Variants in ZFP69B observed in about 807,000 individuals in gnomAD.
ZFP69B encodes ZFP69 zinc finger protein B.
A neutral mutation model predicts 19.7 loss-of-function variants in ZFP69B; 20 were observed. The observed-to-expected ratio is 1.02, with a 90% CI of 0.71 to 1.48. The LOEUF (loss-of-function observed/expected upper bound fraction) is 1.48, where lower values mean the gene tolerates loss of function less well. Among genes scored for constraint, ZFP69B ranks in the 40% most tolerant of loss-of-function variants. The pLI is 0.00. For synonymous variants in ZFP69B, 220 were observed against 222.7 expected (o/e 0.99, Z 0.11); for missense variants, 583 against 632.6 (o/e 0.92, Z 0.84).
chr1:40,461,049 G>A (rs1557513874), intron 4 of ZFP69B, among the ~76,000 whole-genome samples: 1 of 150,400 alleles, frequency 6.6e-6, no homozygotes, highest in African/African-American at 2.4e-5. Flanking sequence ...AGGAGGCTGA[G>A]GCAGGAGAAT....
chr1:40,451,997 T>C (rs1645191380), intron 1 of ZFP69B, among the ~76,000 whole-genome samples: 1 of 152,136 alleles, frequency 6.6e-6, no homozygotes. Context: ...TGGTGGCACA[T>C]GCCTGTAATC....
Position 40,457,344 on chromosome 1 carries a change from G to T in ZFP69B, c.341G>T (p.Gly114Val). The T allele has an allele frequency of 6.2e-7, 1 of 1,613,928 alleles. No homozygotes were observed. Among genetic ancestry groups the T allele is most frequent in the Non-Finnish European group, 8.5e-7 (1 of 1,179,836 alleles). The change falls in exon 4 of 5, where the codon GGA becomes GTA. Residue 114 changes from glycine (G) to valine (V), a missense_variant and splice_region_variant. Transcript: ENST00000361584. ...ACAGTCTTTTCTTCCCCATAAGCAG[G>T]ATGTCAGCTTTCCAAACCTGGCGTG... is the stretch of plus-strand genomic sequence containing the variant. ...LENYGNLVSV[G>V]CQLSKPGVIS...
chr1:40,463,039 AACATGTTAGAATTCAT>A lies in ZFP69B; in HGVS notation c.1058_1073del (p.His353ProfsTer21), dbSNP rs776607691. On this transcript the variant is annotated frameshift_variant, in exon 5 of 5. Coordinates refer to ENST00000361584, the MANE Select transcript of ZFP69B (RefSeq NM_023070.3). LOFTEE classifies it low-confidence loss of function (END_TRUNC). Reference sequence around the variant, plus strand: ...TTCAGACATCCTTCATCGCTTACTCAACATGTTAGAATTCATACCGGGGAAAAGCCCTATGAATGTA... The same window carrying A: ...TTCAGACATCCTTCATCGCTTACTCAACCGGGGAAAAGCCCTATGAATGTA... 6.9e-5 allele frequency: 111 copies of A among 1,614,064 alleles called. No homozygotes were observed. Among genetic ancestry groups the A allele is most frequent in the Non-Finnish European group, 9.2e-5 (108 of 1,180,048 alleles).
intron 2 of ZFP69B, among the ~76,000 whole-genome samples, chr1:40,456,363 A>T (rs1569975802): frequency 6.6e-6 from 1 of 152,294 alleles, no homozygotes; most frequent in African/African-American, 2.4e-5. Context: ...GAGTATTTTT[A>T]AAAAATAATT....
At position 40,463,014 on chromosome 1, in the gene ZFP69B, T is replaced by A; in HGVS notation, c.1030T>A (p.Phe344Ile). 6.2e-7 allele frequency: 1 copy of A among 1,614,150 alleles called. No individual in the cohort carries two copies. Among genetic ancestry groups the A allele is most frequent in the Non-Finnish European group, 8.5e-7 (1 of 1,180,022 alleles). Residue 344 changes from phenylalanine (F) to isoleucine (I), a missense_variant, in exon 5 of 5, where the codon TTC (phenylalanine) becomes ATC (isoleucine). Coordinates refer to ENST00000361584, the MANE Select transcript of ZFP69B (RefSeq NM_023070.3). ...PYECKECGKT[F>I]RHPSSLTQHV... ...TGAATGTAAGGAGTGTGGGAAAACC[T>A]TCAGACATCCTTCATCGCTTACTCA...
intron 1 of ZFP69B, among the ~76,000 whole-genome samples, chr1:40,451,912 G>T (rs1645190651): frequency 2.0e-5 from 3 of 152,036 alleles, no homozygotes; most frequent in Non-Finnish European, 4.4e-5. Flanking sequence ...GGAGTTTGAG[G>T]TCAGCAGTTT....
chr1:40,451,358 T>G (rs962125069), intron 1 of ZFP69B, among the ~76,000 whole-genome samples: 1 of 152,150 alleles, frequency 6.6e-6, no homozygotes, highest in Admixed American at 6.5e-5. Flanking sequence ...CTGATTTTTC[T>G]TATTCTAACA....
rs1190784219 is a variant in ZFP69B, at chr1:40,450,727, A to G, written c.-235A>G. 6.3e-5 allele frequency: 20 copies of G among 315,258 alleles called. No individual in the cohort carries two copies. The highest frequency in any genetic ancestry group is 8.8e-4 in the Middle Eastern group (1 of 1,134). The allele number at this position is 315,258 out of a possible 1,614,324, so 19.5% of individuals were successfully genotyped here. A position where few individuals can be genotyped will look rare whatever the true frequency, so the allele number is the denominator to read the frequency against. On this transcript the variant is annotated 5_prime_UTR_variant, in exon 1 of 5. Coordinates refer to ENST00000361584, the MANE Select transcript of ZFP69B (RefSeq NM_023070.3). ...TGGCCAAGGAGACAGATGGAGCTCA[A>G]GTTGGGAGATACGCCCTGAGAGCCG...
Position 40,456,945 on chromosome 1 carries a change from G to A in ZFP69B, c.214G>A (p.Glu72Lys). 6.2e-7 allele frequency: 1 copy of A among 1,613,088 alleles called. No individual in the cohort carries two copies. The highest frequency in any genetic ancestry group is 8.5e-7 in the Non-Finnish European group (1 of 1,179,480). The change falls in exon 3 of 5, where the codon GAA becomes AAA. Residue 72 changes from glutamate to lysine, a missense_variant and splice_region_variant. By Grantham distance (56) the Glu-to-Lys change is moderately conservative (BLOSUM62 1). Coordinates refer to ENST00000361584, the MANE Select transcript of ZFP69B (RefSeq NM_023070.3). Reference protein sequence around the residue: ...TLGSLTAESQELLTFKDVSVD... With the variant: ...TLGSLTAESQKLLTFKDVSVD... ...AAAAGGAACGTATTTGATGTTCTAG[G>A]AACTGTTAACCTTCAAGGACGTATC...
At chr1:40,451,664 G>GA (rs1553125231) in intron 1 of ZFP69B, among the ~76,000 whole-genome samples, 1 of 138,364 alleles carries the variant, frequency 7.2e-6, no homozygotes, top group East Asian at 2.5e-4. Flanking sequence ...GGGGGGGGGG[G>GA]AATTCATTTG....
intron 2 of ZFP69B, among the ~76,000 whole-genome samples, chr1:40,454,677 A>G (rs974055373): frequency 2.0e-5 from 3 of 152,252 alleles, no homozygotes; most frequent in South Asian, 4.1e-4. Flanking sequence ...GATTACAGGC[A>G]TGAGCCACCA....
Position 40,463,068 on chromosome 1 carries a change from C to T in ZFP69B, c.1084C>T (p.Pro362Ser). ...QHVRIHTGEK[P>S]YECRVCEKAF... is the part of the protein sequence containing the mutation. ...TGTTAGAATTCATACCGGGGAAAAG[C>T]CCTATGAATGTAGGGTATGTGAGAA... The change falls in exon 5 of 5, where the codon CCC becomes TCC. Residue 362 changes from proline (P) to serine (S), a missense_variant. Physicochemically the swap from Pro to Ser is moderately conservative, Grantham distance 74 (BLOSUM62 -1). Transcript: ENST00000361584. The T allele has an allele frequency of 6.2e-7, 1 of 1,614,148 alleles. No homozygotes were observed. Among genetic ancestry groups the T allele is most frequent in the Non-Finnish European group, 8.5e-7 (1 of 1,180,026 alleles).
upstream of ZFP69B, chr1:40,450,308 G>C (rs1645172348): frequency 1.3e-5 from 2 of 152,268 alleles, no homozygotes; most frequent in Admixed American, 1.3e-4. Flanking sequence ...TGGGAGGCTA[G>C]GGCCGGGGGC....
At position 40,451,020 on chromosome 1, in the gene ZFP69B, G is replaced by A. The variant is rs753984184; in HGVS notation, c.59G>A (p.Arg20His). 105 of 1,550,668 alleles carry A rather than the reference G, an allele frequency of 6.8e-5. No individual in the cohort carries two copies. The highest frequency in any genetic ancestry group is 1.5e-4 in the African/African-American group (11 of 72,982). The change falls in exon 1 of 5, where the codon CGT becomes CAT. Residue 20 changes from arginine to histidine, a missense_variant. Transcript: ENST00000361584. Reference sequence around the variant, plus strand: ...GAGGCCAGCACCTGGGTGAAGTTGCGTCATCCAAAGGCGGCCACGGAGCGG... The same window carrying A: ...GAGGCCAGCACCTGGGTGAAGTTGCATCATCCAAAGGCGGCCACGGAGCGG... The part of the protein sequence containing the change: ...PTEASTWVKL[R>H]HPKAATERVA...
chr1:40,460,306 T>C (rs923042580), intron 4 of ZFP69B, among the ~76,000 whole-genome samples: 9 of 152,192 alleles, frequency 5.9e-5, no homozygotes, highest in African/African-American at 2.2e-4. Flanking sequence ...CAAATTATGT[T>C]ATGTCCATGC....
In ZFP69B at chr1:40,456,933, T is replaced by A. The variant is rs1645238265; in HGVS notation, c.214-12T>A. On this transcript the variant is annotated splice_polypyrimidine_tract_variant and intron_variant, in intron 2 of 4. Coordinates refer to ENST00000361584, the MANE Select transcript of ZFP69B (RefSeq NM_023070.3). Reference sequence around the variant, plus strand: ...AAAGTCTGGCTGAAAAGGAACGTATTTGATGTTCTAGGAACTGTTAACCTT... The same window carrying A: ...AAAGTCTGGCTGAAAAGGAACGTATATGATGTTCTAGGAACTGTTAACCTT... The A allele has an allele frequency of 1.2e-6, 2 of 1,610,282 alleles. No homozygotes were observed. The highest frequency in any genetic ancestry group is 2.2e-5 in the South Asian group (2 of 90,680).
intron 2 of ZFP69B, among the ~76,000 whole-genome samples, chr1:40,455,928 A>T (rs1163783471): frequency 1.3e-5 from 2 of 152,190 alleles, no homozygotes; most frequent in African/African-American, 4.8e-5. Context: ...CCTGCAAAGG[A>T]CATGAACTCA....
At chr1:40,457,583 C>CACCG (rs1233950434) in intron 4 of ZFP69B, 144 bp downstream of exon 4, 11 of 650,360 alleles carry the variant, frequency 1.7e-5, no homozygotes, top group Non-Finnish European at 2.9e-5. Context: ...CCTTTTCCCA[C>CACCG]ACTTCCATCT....
intron 4 of ZFP69B, among the ~76,000 whole-genome samples, chr1:40,458,837 G>T (rs1645257560): frequency 6.6e-6 from 1 of 152,102 alleles, no homozygotes; most frequent in African/African-American, 2.4e-5. Context: ...AATTGTTTAG[G>T]TCGCTGGACA....
Sources: gnomAD v4.1 joint callset for allele counts (sites outside exome capture counted in the v4.1 genomes callset) on GRCh38, gnomAD v4.1.1 for gene constraint, MANE v1.5 for transcripts, NCBI Gene and HGNC (gene_info 2026-07-23, HGNC 2026-07-21) for gene names.